PIEZO2: variants seen among roughly 807,000 people sequenced by gnomAD.
PIEZO2 encodes piezo-type mechanosensitive ion channel component 2.
A neutral mutation model predicts 337.3 loss-of-function variants in PIEZO2; 172 were observed. The observed-to-expected ratio is 0.51, with a 90% CI of 0.45 to 0.58. The LOEUF (loss-of-function observed/expected upper bound fraction) is 0.58, where lower values mean the gene tolerates loss of function less well. PIEZO2 is among the 20% of genes least tolerant of loss of function. PIEZO2 has a pLI of 0.00. For synonymous variants in PIEZO2, 1,251 were observed against 1,228.5 expected, an observed-to-expected ratio of 1.02 and a Z score of -0.38; for missense variants, 3,028 against 3,391.3, an observed-to-expected ratio of 0.89 and a Z score of 2.66.
Position 11,148,595 on chromosome 18 carries a change from G to A in PIEZO2, c.-7C>T, listed in dbSNP as rs1056088910. ...ACACCACTTCTGAGGCCATCGCGTC[G>A]GTCCGGCGAGTCGGAGCAGAGGGGC... On this transcript the variant is annotated 5_prime_UTR_variant, in exon 1 of 56. Transcript: ENST00000674853. The surrounding 1 kb of genome is among the most constrained non-coding windows in gnomAD (Gnocchi z 5.2). 1 of 1,536,850 alleles carries A rather than the reference G, an allele frequency of 6.5e-7. No homozygotes were observed. Among genetic ancestry groups the A allele is most frequent in the Non-Finnish European group, 8.7e-7 (1 of 1,146,844 alleles).
chr18:10,991,384 C>T (rs2035094739), intron 2 of PIEZO2, among the ~76,000 whole-genome samples: 1 of 148,852 alleles, frequency 6.7e-6, no homozygotes, highest in Non-Finnish European at 1.5e-5. Flanking sequence ...TCCCCTTGCC[C>T]CCCACCCCCC....
In PIEZO2 at chr18:10,682,130, C is replaced by T. The variant is rs776870765; in HGVS notation, c.7660G>A (p.Val2554Ile). The change falls in exon 50 of 56, where the codon GTC becomes ATC. Residue 2554 changes from valine (V) to isoleucine (I), a missense_variant. Transcript: ENST00000674853. This position sits in a 1 kb window ranked among gnomAD's most constrained non-coding sequence, Gnocchi z 5.6. ...GVINQPLDVSVTITLGGYQPI... is the reference protein window; with the variant it reads ...GVINQPLDVSITITLGGYQPI... ...TGATACCCTCCCAGGGTAATTGTGA[C>T]GGAGACGTCCAGGGGCTGGTTGATG... 7.8e-6 allele frequency: 12 copies of T among 1,536,598 alleles called. No individual in the cohort carries two copies. The East Asian group carries it at 1.5e-4, about 19-fold the overall frequency.
Position 10,680,319 on chromosome 18 carries a change from T to C in PIEZO2, c.7832A>G (p.Glu2611Gly). The change falls in exon 52 of 56, where the codon GAA (glutamate) becomes GGA (glycine). Residue 2611 changes from glutamate to glycine, a missense_variant. Physicochemically the swap from Glu to Gly is moderately conservative, Grantham distance 98. Transcript: ENST00000674853. ...NYEKEDITVA[E>G]LEGNSNSLWT... Reference sequence around the variant, plus strand: ...CAAAGAATTTGAGTTTCCTTCCAGTTCTGCTACTGTTATGTCTTCTTTTTC... The same window carrying C: ...CAAAGAATTTGAGTTTCCTTCCAGTCCTGCTACTGTTATGTCTTCTTTTTC... 1 of 1,614,158 alleles carries C rather than the reference T, an allele frequency of 6.2e-7. No individual in the cohort carries two copies. The highest frequency in any genetic ancestry group is 8.5e-7 in the Non-Finnish European group (1 of 1,179,976).
In PIEZO2 at chr18:11,101,392, T is replaced by C. The variant is rs1466199502; in HGVS notation, c.65-35170A>G. Among the ~76,000 whole-genome samples, 1 of 152,206 alleles carries C rather than the reference T, an allele frequency of 6.6e-6. No individual in the cohort carries two copies. The highest frequency in any genetic ancestry group is 2.4e-5 in the African/African-American group (1 of 41,458). On this transcript the variant is annotated intron_variant, in intron 1 of 55. Transcript: ENST00000674853. The surrounding 1 kb of genome is among the most constrained non-coding windows in gnomAD (Gnocchi z 4.4). The stretch of plus-strand genomic sequence containing the variant: ...GCCCCAGGAGCAGAAACGGAAGTGG[T>C]TCCCTTAAAGTTATAGGATAACATA...
At chr18:10,752,057 T>C (rs2037669734) in intron 28 of PIEZO2, among the ~76,000 whole-genome samples, 1 of 152,220 alleles carries the variant, frequency 6.6e-6, no homozygotes, top group Admixed American at 6.5e-5. Flanking sequence ...GATCTGAATG[T>C]CTATACTCAG....
In PIEZO2 at chr18:11,032,954, C is replaced by T. The variant is rs2036794473; in HGVS notation, c.160+33173G>A. On this transcript the variant is annotated intron_variant, in intron 2 of 55. Transcript: ENST00000674853. This position sits in a 1 kb window ranked among gnomAD's most constrained non-coding sequence, Gnocchi z 4.9. ...CTAGCCATGGATAGCACTGGACTCA[C>T]AGTCAAGGTAGATGAGAAATGAGTG... 6.6e-6 allele frequency among the ~76,000 whole-genome samples: 1 copy of T among 152,180 alleles called. No homozygotes were observed. The highest frequency in any genetic ancestry group is 2.4e-5 in the African/African-American group (1 of 41,446).
intron 21 of PIEZO2, among the ~76,000 whole-genome samples, chr18:10,764,537 C>A (rs1309000241): frequency 6.6e-6 from 1 of 151,484 alleles, no homozygotes; most frequent in Non-Finnish European, 1.5e-5. Context: ...GCTACAGTGG[C>A]CGAGATCGTG....
At chr18:10,810,417 C>T (rs2040152570) in intron 7 of PIEZO2, among the ~76,000 whole-genome samples, 1 of 152,124 alleles carries the variant, frequency 6.6e-6, no homozygotes, top group Non-Finnish European at 1.5e-5. Context: ...ATGCCAAGGG[C>T]AGTCTCCCTA....
rs7233172 is a variant in PIEZO2 at position 11,032,029 on chromosome 18, A to G, written c.160+34098T>C. On this transcript the variant is annotated intron_variant, in intron 2 of 55. Coordinates refer to ENST00000674853, the MANE Select transcript of PIEZO2 (RefSeq NM_001378183.1). This position sits in a 1 kb window ranked among gnomAD's most constrained non-coding sequence, Gnocchi z 4.9. ...CAGATATTTACTGCTGATTCCAATG[A>G]CGATGGCAATAAAGTAATGATGACA... Among the ~76,000 whole-genome samples the G allele has an allele frequency of 0.23, 34,322 of 152,006 alleles. 4,087 individuals are homozygous for G. The highest frequency in any genetic ancestry group is 0.26 in the Non-Finnish European group (17,550 of 67,968).
chr18:10,744,889 C>T (rs1281301628), intron 30 of PIEZO2, among the ~76,000 whole-genome samples: 2 of 152,226 alleles, frequency 1.3e-5, no homozygotes, highest in South Asian at 2.1e-4. Flanking sequence ...ACAGTGTGCC[C>T]GCCCTGTCCT....
At chr18:10,729,810 G>A (rs1174849422) in intron 36 of PIEZO2, among the ~76,000 whole-genome samples, 1 of 152,004 alleles carries the variant, frequency 6.6e-6, no homozygotes, top group East Asian at 1.9e-4. Context: ...CTGTCTTGAG[G>A]TACTACTCTG....
chr18:11,055,143 A>G (rs1010377070), intron 2 of PIEZO2, among the ~76,000 whole-genome samples: 31 of 146,070 alleles, frequency 2.1e-4, no homozygotes, highest in East Asian at 8.4e-4. Context: ...CCCGGGAGGC[A>G]GAGCTTGCAG....
chr18:10,744,326 A>G (rs973831652), intron 30 of PIEZO2, 95 bp from the exon 31 acceptor site: 92 of 786,094 alleles, frequency 1.2e-4, no homozygotes, highest in Non-Finnish European at 2.1e-5. Context: ...AAAACATAAC[A>G]TCTCTTAATG....
intron 3 of PIEZO2, among the ~76,000 whole-genome samples, chr18:10,967,203 G>C (rs1253340980): frequency 6.6e-6 from 1 of 151,794 alleles, no homozygotes; most frequent in Admixed American, 6.6e-5. Flanking sequence ...ATTTTCAGTA[G>C]AGACAAGATT....
chr18:10,960,262 TA>T (rs1254221049), intron 3 of PIEZO2, among the ~76,000 whole-genome samples: 3 of 152,164 alleles, frequency 2.0e-5, no homozygotes, highest in African/African-American at 7.2e-5. Context: ...AAATGTAGCT[TA>T]AAGGGGCTAG....
At chr18:11,050,554 C>T (rs935811313) in intron 2 of PIEZO2, among the ~76,000 whole-genome samples, 4 of 139,086 alleles carry the variant, frequency 2.9e-5, no homozygotes, top group African/African-American at 1.1e-4. Context: ...CACACACACA[C>T]ACACGATTAC....
Position 10,696,276 on chromosome 18 carries a change from C to T in PIEZO2, c.6988G>A (p.Ala2330Thr). ...GFWAFGKHSA[A>T]ADITSSLSED... is the part of the protein sequence containing the mutation. The stretch of plus-strand genomic sequence containing the variant: ...GACAGTGAAGAGGTGATGTCTGCAG[C>T]TGCTGAGTGTTTCTGGGGAAGAGAC... Residue 2330 changes from alanine to threonine, a missense_variant, in exon 47 of 56, where the codon GCT (alanine) becomes ACT (threonine). Coordinates refer to ENST00000674853, the MANE Select transcript of PIEZO2 (RefSeq NM_001378183.1). 1 of 1,614,158 alleles carries T rather than the reference C, an allele frequency of 6.2e-7. No homozygotes were observed. The highest frequency in any genetic ancestry group is 8.5e-7 in the Non-Finnish European group (1 of 1,180,004).
At chr18:10,897,422 C>T (rs2042931303) in intron 4 of PIEZO2, among the ~76,000 whole-genome samples, 2 of 152,208 alleles carry the variant, frequency 1.3e-5, no homozygotes, top group African/African-American at 2.4e-5. Flanking sequence ...CTCCTGACTT[C>T]AGGTGATCTA....
rs2042995186 is a variant in PIEZO2, at chr18:10,899,693, A to T, written c.329+11493T>A. On this transcript the variant is annotated intron_variant, in intron 4 of 55. Transcript: ENST00000674853. This position sits in a 1 kb window ranked among gnomAD's most constrained non-coding sequence, Gnocchi z 4.6. Reference sequence around the variant, plus strand: ...TGTTACCTCCATATCAAACAGCATGAATTTCCTGTCTACTGTTCATCATGC... The same window carrying T: ...TGTTACCTCCATATCAAACAGCATGTATTTCCTGTCTACTGTTCATCATGC... Among the ~76,000 whole-genome samples the T allele has an allele frequency of 1.3e-5, 2 of 152,302 alleles. No homozygotes were observed. Among genetic ancestry groups the T allele is most frequent in the South Asian group, 4.1e-4 (2 of 4,822 alleles).
Sources: gnomAD v4.1 joint callset for allele counts (sites outside exome capture counted in the v4.1 genomes callset) on GRCh38, gnomAD v4.1.1 for gene constraint, Gnocchi (gnomAD v3.1) non-coding constraint, MANE v1.5 for transcripts, NCBI Gene and HGNC (gene_info 2026-07-23, HGNC 2026-07-21) for gene names.